Variants in NEDD9 observed in about 807,000 individuals in gnomAD.
NEDD9 encodes enhancer of filamentation 1.
Under a neutral mutation model 76.6 loss-of-function variants are expected in NEDD9, and 26 were observed. The ratio of observed to expected loss-of-function variants is 0.34; its 90% confidence interval spans 0.25 to 0.47. The LOEUF (loss-of-function observed/expected upper bound fraction) is 0.47, where lower values mean the gene tolerates loss of function less well. Among genes scored for constraint, NEDD9 ranks in the 20% least tolerant of loss-of-function variants. The pLI is 1.00. For missense variants in NEDD9, 937 were observed against 1,058.5 expected, an observed-to-expected ratio of 0.89 and a Z score of 1.59; for synonymous variants, 392 against 414.2, an observed-to-expected ratio of 0.95 and a Z score of 0.65.
chr6:11,201,158 C>T, intron 2 of NEDD9: 2 of 1,228,664 alleles, frequency 1.6e-6, no homozygotes, highest in South Asian at 1.2e-5. Context: ...TCCACTTCAC[C>T]TCCTTAATGC....
At position 11,307,804 on chromosome 6, in the gene NEDD9, C is replaced by T. The variant is rs926627368; in HGVS notation, c.-152-1649G>A. Among the ~76,000 whole-genome samples the T allele has an allele frequency of 3.9e-5, 6 of 152,286 alleles. No homozygotes were observed. The East Asian group carries it at 1.2e-3, about 29-fold the overall frequency. On this transcript the variant is annotated intron_variant, in intron 2 of 3. Transcript: ENST00000397378. The stretch of plus-strand genomic sequence containing the variant: ...CAGGACTCCAGAAGCTTTCCAAGAG[C>T]CCTTTCCAGTGCAACCCCTCTCTTT...
At chr6:11,267,695 T>C (rs1403638151) in intron 3 of NEDD9, among the ~76,000 whole-genome samples, 5 of 152,166 alleles carry the variant, frequency 3.3e-5, no homozygotes, top group Non-Finnish European at 7.3e-5. Context: ...TAGGAAGCTA[T>C]TGTCAATGCC....
At chr6:11,350,745 C>A (rs889070929) in intron 1 of NEDD9, among the ~76,000 whole-genome samples, 1 of 152,122 alleles carries the variant, frequency 6.6e-6, no homozygotes, top group African/African-American at 2.4e-5. Flanking sequence ...AGACACTGAA[C>A]AAGGCCCTGC....
chr6:11,235,594 G>C (rs181436352), upstream of NEDD9, among the ~76,000 whole-genome samples: 1 of 152,336 alleles, frequency 6.6e-6, no homozygotes, highest in Admixed American at 6.5e-5. The surrounding 1 kb of genome is among the most constrained non-coding windows in gnomAD (Gnocchi z 4.1). Flanking sequence ...GAGGAAAACA[G>C]ACCAGGGTGG....
chr6:11,314,158 A>G (rs902035835), intron 2 of NEDD9, among the ~76,000 whole-genome samples: 2 of 152,230 alleles, frequency 1.3e-5, no homozygotes, highest in Non-Finnish European at 2.9e-5. Context: ...GTTTAGAAGT[A>G]TGCTCACTGT....
At chr6:11,347,172 G>A (rs1360215041) in intron 1 of NEDD9, among the ~76,000 whole-genome samples, 2 of 152,172 alleles carry the variant, frequency 1.3e-5, no homozygotes, top group African/African-American at 2.4e-5. Flanking sequence ...GAGCACTGGG[G>A]TACAAAGATC....
chr6:11,344,170 A>G (rs961344914), intron 1 of NEDD9, among the ~76,000 whole-genome samples: 3 of 152,198 alleles, frequency 2.0e-5, no homozygotes, highest in African/African-American at 7.2e-5. Flanking sequence ...GGTTGCATAC[A>G]TCTCTGGCTA....
chr6:11,253,875 G>T (rs1759955048), intron 3 of NEDD9, among the ~76,000 whole-genome samples: 2 of 152,158 alleles, frequency 1.3e-5, no homozygotes, highest in Admixed American at 6.5e-5. Flanking sequence ...GTGAGAAGGA[G>T]TTGCACACGT....
At chr6:11,271,965 C>T (rs1760316514) in intron 3 of NEDD9, 1 of 152,198 alleles carries the variant, frequency 6.6e-6, no homozygotes, top group African/African-American at 2.4e-5. Flanking sequence ...CAAGACACAT[C>T]CCTTCTCTGA....
At chr6:11,320,035 G>A (rs948644998) in intron 2 of NEDD9, among the ~76,000 whole-genome samples, 6 of 152,134 alleles carry the variant, frequency 3.9e-5, no homozygotes, top group African/African-American at 7.2e-5. Flanking sequence ...CTGTATCCTT[G>A]GCTGTCCTGT....
At chr6:11,332,652 A>C (rs2223292) in intron 2 of NEDD9, among the ~76,000 whole-genome samples, 1 of 152,034 alleles carries the variant, frequency 6.6e-6, no homozygotes, top group Non-Finnish European at 1.5e-5. Flanking sequence ...TGTTCTATTT[A>C]AGTGACCTCC....
At chr6:11,286,488 A>G (rs1265188743) in intron 3 of NEDD9, among the ~76,000 whole-genome samples, 2 of 152,234 alleles carry the variant, frequency 1.3e-5, no homozygotes, top group African/African-American at 4.8e-5. Flanking sequence ...AAGAGAAAAG[A>G]AAGCCTATGC....
chr6:11,189,578 C>T (rs1366170904), intron 5 of NEDD9, among the ~76,000 whole-genome samples: 1 of 152,042 alleles, frequency 6.6e-6, no homozygotes. Context: ...ATACATAAAA[C>T]ACAAATAGAA....
chr6:11,239,158 C>A (rs1759662016), intron 3 of NEDD9, among the ~76,000 whole-genome samples: 1 of 151,860 alleles, frequency 6.6e-6, no homozygotes, highest in Non-Finnish European at 1.5e-5. Flanking sequence ...CAGAGTGAGA[C>A]CCTGTCTCTA....
At chr6:11,235,814 T>A (rs1362077737), upstream of NEDD9, among the ~76,000 whole-genome samples, 2 of 151,974 alleles carry the variant, frequency 1.3e-5, no homozygotes, top group East Asian at 1.9e-4. This position sits in a 1 kb window ranked among gnomAD's most constrained non-coding sequence, Gnocchi z 4.1. Context: ...GTGCTTAGCG[T>A]GGGGTACACA....
chr6:11,319,561 C>A (rs1428105445), intron 2 of NEDD9, among the ~76,000 whole-genome samples: 1 of 114,636 alleles, frequency 8.7e-6, no homozygotes, highest in East Asian at 2.2e-4. Flanking sequence ...AACATGCGGA[C>A]ACACACACTA....
intron 2 of NEDD9, among the ~76,000 whole-genome samples, chr6:11,307,357 C>T (rs543733275): frequency 1.3e-5 from 2 of 152,266 alleles, no homozygotes; most frequent in South Asian, 4.1e-4. Flanking sequence ...AAGGAATTTT[C>T]CTCTGAGGCA....
Position 11,190,910 on chromosome 6 carries a change from G to A in NEDD9, c.959C>T (p.Pro320Leu), listed in dbSNP as rs758126688. The change falls in exon 5 of 7, where the codon CCC becomes CTC. Residue 320 changes from proline (P) to leucine (L), a missense_variant. Physicochemically the swap from Pro to Leu is moderately conservative, Grantham distance 98. Coordinates refer to ENST00000379446, the MANE Select transcript of NEDD9 (RefSeq NM_006403.4). This position sits in a 1 kb window ranked among gnomAD's most constrained non-coding sequence, Gnocchi z 5.8. ...VGSQNDAYDV[P>L]RGVQFLEPPA... ...TGGCTCAAGAAACTGAACGCCTCGG[G>A]GGACATCATATGCGTCGTTCTGAGA... 3.1e-6 allele frequency: 5 copies of A among 1,614,082 alleles called. No homozygotes were observed. Among genetic ancestry groups the A allele is most frequent in the Non-Finnish European group, 4.2e-6 (5 of 1,180,032 alleles).
intron 2 of NEDD9, among the ~76,000 whole-genome samples, chr6:11,310,566 C>T (rs1761335732): frequency 6.6e-6 from 1 of 152,222 alleles, no homozygotes; most frequent in Non-Finnish European, 1.5e-5. Context: ...TACTGTCAGG[C>T]AGCCTTCTGT....
Sources: allele counts gnomAD v4.1 joint callset (sites outside exome capture counted in the v4.1 genomes callset), GRCh38; gene constraint gnomAD v4.1.1; non-coding constraint Gnocchi (gnomAD v3.1); transcripts MANE v1.5; gene names NCBI Gene and HGNC (gene_info 2026-07-23, HGNC 2026-07-21).